CBFA2T2: variants seen among roughly 807,000 people sequenced by gnomAD.
CBFA2T2 encodes the protein CBFA2/RUNX1 partner transcriptional co-repressor 2.
Under a neutral mutation model 62.2 loss-of-function variants are expected in CBFA2T2, and 11 were observed. The ratio of observed to expected loss-of-function variants is 0.18; its 90% CI spans 0.11 to 0.29. CBFA2T2 has a LOEUF of 0.29. Ranked by LOEUF, CBFA2T2 falls within the 10% of genes least tolerant of loss-of-function variation. CBFA2T2 has a pLI of 1.00. For synonymous variants in CBFA2T2, 295 were observed against 287.5 expected (o/e 1.03, Z -0.27); for missense variants, 592 against 774.1 (o/e 0.76, Z 2.79).
chr20:33,502,511 A>G (rs1041543911), intron 1 of CBFA2T2, among the ~76,000 whole-genome samples: 1 of 150,914 alleles, frequency 6.6e-6, no homozygotes, highest in African/African-American at 2.4e-5. Flanking sequence ...GGTTCACGCC[A>G]TTCTGCCTCA....
chr20:33,559,946 C>T (rs779621121), intron 1 of CBFA2T2, among the ~76,000 whole-genome samples: 1 of 152,156 alleles, frequency 6.6e-6, no homozygotes, highest in Admixed American at 6.5e-5. Flanking sequence ...CTGCCCTATA[C>T]CTGGAGTTGA....
chr20:33,567,595 A>G (rs113502284), intron 1 of CBFA2T2, among the ~76,000 whole-genome samples: 1 of 139,590 alleles, frequency 7.2e-6, no homozygotes, highest in Admixed American at 7.1e-5. Context: ...TTTTTTTTTT[A>G]ATTTGAGACG....
At chr20:33,556,852 C>T (rs1317998789) in intron 1 of CBFA2T2, among the ~76,000 whole-genome samples, 5 of 151,994 alleles carry the variant, frequency 3.3e-5, no homozygotes, top group Non-Finnish European at 5.9e-5. Flanking sequence ...GGATTATGCT[C>T]TAATCCATTA....
intron 1 of CBFA2T2, among the ~76,000 whole-genome samples, chr20:33,515,658 G>A (rs1487818353): frequency 6.6e-6 from 1 of 151,444 alleles, no homozygotes; most frequent in Non-Finnish European, 1.5e-5. Context: ...AAAATTAGTC[G>A]GGCATGGTGG....
At chr20:33,546,764 G>T (rs1288718661) in intron 1 of CBFA2T2, among the ~76,000 whole-genome samples, 2 of 151,764 alleles carry the variant, frequency 1.3e-5, no homozygotes, top group Admixed American at 6.6e-5. Flanking sequence ...TAAAGTGTTG[G>T]GATTACAGGC....
intron 1 of CBFA2T2, among the ~76,000 whole-genome samples, chr20:33,546,902 A>G (rs2012587576): frequency 6.6e-6 from 1 of 152,072 alleles, no homozygotes; most frequent in African/African-American, 2.4e-5. Context: ...AGAGTTTGTT[A>G]AAAGTGTGAA....
rs1417693958 is a variant in CBFA2T2 at position 33,649,683 on chromosome 20, T to C, written c.*5037T>C. 2 of 152,296 alleles carry C rather than the reference T, an allele frequency of 1.3e-5. No homozygotes were observed. The highest frequency in any genetic ancestry group is 4.8e-5 in the African/African-American group (2 of 41,454). The allele number at this position is 152,296 out of a possible 1,614,324, so 9.4% of individuals were successfully genotyped here. ...GAAGCAGCAATAAGCATTAGGCGAATGATTGAAAGGGCTGCTGCGCCAAGA... is the reference window on the plus strand; with the variant it reads ...GAAGCAGCAATAAGCATTAGGCGAACGATTGAAAGGGCTGCTGCGCCAAGA... On this transcript the variant is annotated 3_prime_UTR_variant, in exon 11 of 11. Coordinates refer to ENST00000342704, the MANE Select transcript of CBFA2T2 (RefSeq NM_001032999.3).
Position 33,624,993 on chromosome 20 carries a change from G to C in CBFA2T2, c.922G>C (p.Val308Leu). 1.9e-6 allele frequency: 3 copies of C among 1,614,110 alleles called. No individual in the cohort carries two copies. The highest frequency in any genetic ancestry group is 2.5e-6 in the Non-Finnish European group (3 of 1,179,990). Residue 308 changes from valine to leucine, a missense_variant, in exon 6 of 11, where the codon GTT becomes CTT. Around this residue, in one of 3 missense-constraint regions of CBFA2T2, gnomAD observed 449 missense variants for 551.2 expected, o/e 0.81. Coordinates refer to ENST00000342704, the MANE Select transcript of CBFA2T2 (RefSeq NM_001032999.3). ...EPNKMLEHRE[V>L]RDRHHSLGLN... ...CAACAAGATGCTAGAGCATCGAGAA[G>C]TTCGTGATAGACACCACAGTCTTGG... is the stretch of plus-strand genomic sequence containing the variant.
chr20:33,493,602 G>A (rs771853392), intron 1 of CBFA2T2, among the ~76,000 whole-genome samples: 17 of 152,148 alleles, frequency 1.1e-4, no homozygotes, highest in Admixed American at 7.2e-4. Context: ...TGGGGCTCAA[G>A]TCAGCCTCCC....
At chr20:33,540,064 A>C (rs1247155075) in intron 1 of CBFA2T2, among the ~76,000 whole-genome samples, 1 of 152,184 alleles carries the variant, frequency 6.6e-6, no homozygotes, top group Non-Finnish European at 1.5e-5. Flanking sequence ...TTGTTTGATT[A>C]AAAGTAGCTT....
chr20:33,629,359 T>C (rs1184392563), intron 7 of CBFA2T2, among the ~76,000 whole-genome samples: 1 of 152,262 alleles, frequency 6.6e-6, no homozygotes, highest in Admixed American at 6.5e-5. Flanking sequence ...AATGTGTGTG[T>C]GCCTTATTTT....
At chr20:33,556,786 C>G (rs1213756398) in intron 1 of CBFA2T2, among the ~76,000 whole-genome samples, 1 of 151,948 alleles carries the variant, frequency 6.6e-6, no homozygotes, top group Admixed American at 6.6e-5. Context: ...TATTGGCATT[C>G]TAATGAAGGA....
intron 8 of CBFA2T2, among the ~76,000 whole-genome samples, chr20:33,634,822 CAT>C (rs773460777): frequency 4.6e-5 from 7 of 152,064 alleles, no homozygotes; most frequent in Non-Finnish European, 1.0e-4. Context: ...TTTTTAGTGA[CAT>C]GTGTGCACAA....
chr20:33,579,817 CTTT>C (rs11475822), intron 1 of CBFA2T2, among the ~76,000 whole-genome samples: 7 of 138,406 alleles, frequency 5.1e-5, no homozygotes, highest in Admixed American at 7.3e-5. Flanking sequence ...CTCTCTCTCT[CTTT>C]TTTTTTTTTT....
Position 33,604,397 on chromosome 20 carries a change from G to T in CBFA2T2, c.35-2559G>T, listed in dbSNP as rs1216411168. Among the ~76,000 whole-genome samples the T allele has an allele frequency of 2.6e-5, 4 of 152,288 alleles. No homozygotes were observed. In the East Asian group the frequency reaches 7.7e-4, roughly 29 times the overall value. The stretch of plus-strand genomic sequence containing the variant: ...AAAATGAGGCCTAGAAAGGTGAAAT[G>T]AATTGGTGAAATTCACTTGCATTGT... On this transcript the variant is annotated intron_variant, in intron 1 of 10. Transcript: ENST00000342704.
chr20:33,602,312 C>A (rs997227726), intron 1 of CBFA2T2, among the ~76,000 whole-genome samples: 19 of 151,716 alleles, frequency 1.3e-4, no homozygotes, highest in Admixed American at 2.6e-4. Flanking sequence ...TTTGCCTCAA[C>A]ATGCTTTCTC....
intron 1 of CBFA2T2, among the ~76,000 whole-genome samples, chr20:33,593,354 A>G (rs1038696124): frequency 1.3e-5 from 2 of 148,316 alleles, no homozygotes; most frequent in Non-Finnish European, 3.0e-5. Context: ...AAAAAAACCT[A>G]TTACATAATA....
chr20:33,622,381 G>C (rs2122331324), intron 4 of CBFA2T2, among the ~76,000 whole-genome samples: 1 of 152,214 alleles, frequency 6.6e-6, no homozygotes, highest in African/African-American at 2.4e-5. Context: ...TATGAGCCCA[G>C]CCTGCATTGC....
intron 8 of CBFA2T2, among the ~76,000 whole-genome samples, chr20:33,632,536 T>G (rs2016490262): frequency 2.0e-5 from 3 of 150,744 alleles, no homozygotes; most frequent in Admixed American, 6.6e-5. Flanking sequence ...TGGCATGATC[T>G]CGGCTCACTG....
Sources: gnomAD v4.1 joint callset for allele counts (sites outside exome capture counted in the v4.1 genomes callset) on GRCh38, gnomAD v4.1.1 for gene constraint, gnomAD v4.1.1 regional missense constraint, MANE v1.5 for transcripts, NCBI Gene and HGNC (gene_info 2026-07-23, HGNC 2026-07-21) for gene names.